The following SARNP variants were observed in gnomAD, a reference collection of about 807,000 sequenced individuals.
SARNP encodes the protein SAP domain-containing ribonucleoprotein.
A neutral mutation model predicts 38.1 loss-of-function variants in SARNP; 5 were observed. That is an observed-to-expected ratio of 0.13 (90% CI 0.07 to 0.28). The LOEUF (loss-of-function observed/expected upper bound fraction) is 0.28, where lower values mean the gene tolerates loss of function less well. Ranked by LOEUF, SARNP falls within the 10% of genes least tolerant of loss-of-function variation. SARNP has a pLI of 1.00. For missense variants in SARNP, 180 were observed against 243.9 expected (o/e 0.74, Z 1.75); for synonymous variants, 84 against 80.6 (o/e 1.04, Z -0.23).
rs557970496 is a variant in SARNP, at chr12:55,794,577, T to C, written c.378-190A>G. Among the ~76,000 whole-genome samples the C allele has an allele frequency of 1.1e-4, 17 of 152,300 alleles. No individual in the cohort carries two copies. The East Asian group carries it at 2.5e-3, about 22-fold the overall frequency. On this transcript the variant is annotated intron_variant, in intron 6 of 10. Coordinates refer to ENST00000336133, the MANE Select transcript of SARNP (RefSeq NM_033082.4). The stretch of plus-strand genomic sequence containing the variant: ...AAGGAAGCCTTATCAGAATTAGTAG[T>C]AGTCAGTTCCTGGCTTTAACTGTTA...
chr12:55,783,875 T>C (rs1422105625), intron 9 of SARNP, among the ~76,000 whole-genome samples: 2 of 152,060 alleles, frequency 1.3e-5, no homozygotes, highest in Admixed American at 6.6e-5. Flanking sequence ...GGAGGATCAC[T>C]TGAGCCCAGG....
downstream of SARNP, chr12:55,754,578 GCA>G (rs1878443832): frequency 6.6e-6 from 1 of 152,310 alleles, no homozygotes; most frequent in African/African-American, 2.4e-5. Flanking sequence ...CTGGGTGTAT[GCA>G]CACACAAACA....
chr12:55,803,761 T>A, intron 1 of SARNP, 33 bp from the exon 2 acceptor site: 1 of 1,446,364 alleles, frequency 6.9e-7, no homozygotes, highest in South Asian at 1.1e-5. Flanking sequence ...TTTCCTTAGT[T>A]AACAGGATGA....
intron 9 of SARNP, among the ~76,000 whole-genome samples, chr12:55,782,174 T>G (rs1879359036): frequency 6.6e-6 from 1 of 152,238 alleles, no homozygotes; most frequent in African/African-American, 2.4e-5. Context: ...ACTCTGGTAC[T>G]ATTCTAATAG....
intron 2 of SARNP, 146 bp downstream of exon 2, chr12:55,803,483 C>CA (rs1296341861): frequency 0.065 from 24,034 of 368,762 alleles, no homozygotes; most frequent in Middle Eastern, 0.083. Flanking sequence ...GACTCCATCT[C>CA]AAAAAAAAAA....
At chr12:55,773,514 T>C (rs773711435) in intron 9 of SARNP, among the ~76,000 whole-genome samples, 2 of 151,988 alleles carry the variant, frequency 1.3e-5, no homozygotes, top group South Asian at 2.1e-4. Context: ...ACAATTCAAA[T>C]AGAAAAGCAG....
intron 1 of SARNP, among the ~76,000 whole-genome samples, chr12:55,804,596 G>A (rs527959279): frequency 6.6e-6 from 1 of 152,180 alleles, no homozygotes; most frequent in African/African-American, 2.4e-5. Context: ...CAGAATTTTA[G>A]GCAAAGAAGG....
chr12:55,768,963 C>A (rs1056460602), intron 9 of SARNP, among the ~76,000 whole-genome samples: 9 of 152,030 alleles, frequency 5.9e-5, no homozygotes, highest in African/African-American at 1.5e-4. Flanking sequence ...GTGATCCACC[C>A]TCCTCAGCCT....
At chr12:55,776,999 G>A (rs1879200467) in intron 9 of SARNP, among the ~76,000 whole-genome samples, 2 of 152,110 alleles carry the variant, frequency 1.3e-5, no homozygotes, top group South Asian at 4.1e-4. Flanking sequence ...ACGAGCAGGG[G>A]GCCAAAGAGA....
At chr12:55,794,307 G>A in intron 7 of SARNP, 52 bp downstream of exon 7, 1 of 1,491,226 alleles carries the variant, frequency 6.7e-7, no homozygotes, top group Non-Finnish European at 9.3e-7. Flanking sequence ...TGTTATACCA[G>A]AAAAGAAAGA....
At chr12:55,757,738 G>A (rs573633177) in intron 10 of SARNP, among the ~76,000 whole-genome samples, 185 bp from the exon 11 acceptor site, 2 of 152,162 alleles carry the variant, frequency 1.3e-5, no homozygotes, top group Non-Finnish European at 2.9e-5. Context: ...TTATCCAGTA[G>A]GAGCTGGAAA....
At chr12:55,790,500 G>A (rs1049368366) in intron 8 of SARNP, 67 bp downstream of exon 8, 11 of 1,482,754 alleles carry the variant, frequency 7.4e-6, no homozygotes, top group African/African-American at 4.3e-5. Context: ...TGGGGAGGAG[G>A]AGTCTCTAAA....
intron 9 of SARNP, among the ~76,000 whole-genome samples, chr12:55,766,564 T>C (rs1194161256): frequency 2.3e-5 from 3 of 132,102 alleles, no homozygotes; most frequent in Non-Finnish European, 4.6e-5. Context: ...GAGGAGAGAG[T>C]ACCTATATAA....
intron 9 of SARNP, chr12:55,761,904 T>C (rs1227460524): frequency 2.6e-5 from 4 of 152,212 alleles, no homozygotes; most frequent in Non-Finnish European, 4.4e-5. Flanking sequence ...AGAGACCCTC[T>C]ACTCCCTAGA....
chr12:55,806,077 TAAA>T (rs1373802395), intron 1 of SARNP, among the ~76,000 whole-genome samples: 1 of 147,046 alleles, frequency 6.8e-6, no homozygotes, highest in Non-Finnish European at 1.5e-5. Flanking sequence ...TTGCCAGTTT[TAAA>T]AAAAAAAATG....
At chr12:55,814,218 C>G in intron 1 of SARNP, among the ~76,000 whole-genome samples, 1 of 152,146 alleles carries the variant, frequency 6.6e-6, no homozygotes, top group Non-Finnish European at 1.5e-5. Flanking sequence ...AAATCCCATC[C>G]GCCAAGAGAA....
At chr12:55,807,511 A>T (rs1397282750) in intron 1 of SARNP, among the ~76,000 whole-genome samples, 4 of 151,948 alleles carry the variant, frequency 2.6e-5, no homozygotes. Context: ...CTCTATTAAA[A>T]AAAATTTTTG....
In SARNP at chr12:55,794,844, C is replaced by CAGGT; in HGVS notation, c.336_339dup (p.Val114ThrfsTer7). On this transcript the variant is annotated frameshift_variant, in exon 6 of 11. Coordinates refer to ENST00000336133, the MANE Select transcript of SARNP (RefSeq NM_033082.4). LOFTEE classifies it high-confidence loss of function. ...GCAGCTTTCTTACTCTCCAAGCTCA[C>CAGGT]AGGTACATTGAATCGTTCAGCCCTC... 1 of 1,606,250 alleles carries CAGGT rather than the reference C, an allele frequency of 6.2e-7. No individual in the cohort carries two copies. Among genetic ancestry groups the CAGGT allele is most frequent in the Non-Finnish European group, 8.5e-7 (1 of 1,175,760 alleles).
At chr12:55,800,767 T>C in intron 3 of SARNP, 87 bp downstream of exon 3, 1 of 1,341,684 alleles carries the variant, frequency 7.5e-7, no homozygotes, top group South Asian at 1.2e-5. Context: ...TAAATTTACA[T>C]CTAAGTCCTC....
Sources: allele counts gnomAD v4.1 joint callset (sites outside exome capture counted in the v4.1 genomes callset), GRCh38; gene constraint gnomAD v4.1.1; transcripts MANE v1.5; gene names NCBI Gene and HGNC (gene_info 2026-07-23, HGNC 2026-07-21).